Variants in DIP2C observed in about 807,000 individuals in gnomAD.
DIP2C encodes the protein disco-interacting protein 2 homolog C.
In DIP2C, 33 loss-of-function variants were observed where a neutral mutation model predicts 192.4. That is an observed-to-expected ratio of 0.17 (90% CI 0.13 to 0.23). The LOEUF is 0.23. Ranked by LOEUF, DIP2C falls within the 10% of genes least tolerant of loss-of-function variation. The pLI, the probability that DIP2C is intolerant of heterozygous loss-of-function variation, is 1.00. For synonymous variants in DIP2C, 979 were observed against 864.1 expected, an observed-to-expected ratio of 1.13 and a Z score of -2.33; for missense variants, 1,537 against 2,110.1, an observed-to-expected ratio of 0.73 and a Z score of 5.32.
intron 19 of DIP2C, chr10:364,812 C>T: frequency 1.6e-6 from 1 of 624,520 alleles, no homozygotes; most frequent in Non-Finnish European, 2.9e-6. Context: ...CACCTCCACT[C>T]ACCTGCTGGA....
In DIP2C at chr10:492,606, A is replaced by G. The variant is rs549168387; in HGVS notation, c.86-6076T>C. Among the ~76,000 whole-genome samples, 12 of 152,354 alleles carry G rather than the reference A, an allele frequency of 7.9e-5. No individual in the cohort carries two copies. The East Asian group carries it at 2.1e-3, about 27-fold the overall frequency. ...GGCGACAGAGCAAGACCCTGTCTCAAACAACACACACACGCACACAAATAT... is the reference window on the plus strand; with the variant it reads ...GGCGACAGAGCAAGACCCTGTCTCAGACAACACACACACGCACACAAATAT... On this transcript the variant is annotated intron_variant, in intron 1 of 36. Coordinates refer to ENST00000280886, the MANE Select transcript of DIP2C (RefSeq NM_014974.3).
chr10:480,076 T>C (rs1157794738), intron 2 of DIP2C, among the ~76,000 whole-genome samples: 1 of 144,970 alleles, frequency 6.9e-6, no homozygotes, highest in African/African-American at 2.6e-5. Flanking sequence ...ATGAGTGTCA[T>C]CCGCCAGCCT....
chr10:503,216 A>C (rs1372330139), intron 1 of DIP2C, among the ~76,000 whole-genome samples: 2 of 152,256 alleles, frequency 1.3e-5, no homozygotes, highest in African/African-American at 4.8e-5. Context: ...AAATCCCGCC[A>C]GGACACCGAC....
intron 1 of DIP2C, among the ~76,000 whole-genome samples, chr10:525,691 A>AG (rs1419460594): frequency 1.3e-5 from 2 of 152,138 alleles, no homozygotes; most frequent in Admixed American, 6.5e-5. Flanking sequence ...AATGCTTCGT[A>AG]GGTGGAGAAA....
At chr10:557,901 C>CG (rs1483142245) in intron 1 of DIP2C, among the ~76,000 whole-genome samples, 1 of 12,024 alleles carries the variant, frequency 8.3e-5, no homozygotes, top group Admixed American at 1.0e-3. Flanking sequence ...CAGGGGCAGG[C>CG]GGGGAAGGGG....
intron 4 of DIP2C, among the ~76,000 whole-genome samples, chr10:434,931 T>C (rs1967056051): frequency 6.6e-6 from 1 of 152,218 alleles, no homozygotes; most frequent in African/African-American, 2.4e-5. Flanking sequence ...GTTTGAAAAT[T>C]ATATGCCCAA....
At chr10:287,398 C>T (rs1346566488) in intron 33 of DIP2C, among the ~76,000 whole-genome samples, 1 of 152,156 alleles carries the variant, frequency 6.6e-6, no homozygotes, top group Admixed American at 6.5e-5. Flanking sequence ...AAAGGCAAAA[C>T]ATTTTATGGT....
intron 1 of DIP2C, among the ~76,000 whole-genome samples, chr10:572,356 CG>C (rs1325408686): frequency 1.3e-5 from 2 of 152,206 alleles, no homozygotes. Context: ...GCATCCTGAG[CG>C]CCACAAAAAT....
rs114160278 is a variant in DIP2C at position 659,806 on chromosome 10, C to T, written c.85+29688G>A. On this transcript the variant is annotated intron_variant, in intron 1 of 36. Transcript: ENST00000280886. ...CCCGGGATCTGACCACTTGTAAAAG[C>T]GTTTCTGTCTGAGTGATTTCCTTCT... 3.4e-3 allele frequency among the ~76,000 whole-genome samples: 515 copies of T among 152,296 alleles called. 4 individuals carry two copies. The highest frequency in any genetic ancestry group is 0.012 in the African/African-American group (491 of 41,572).
At chr10:488,851 G>A (rs2133571043) in intron 1 of DIP2C, among the ~76,000 whole-genome samples, 1 of 152,342 alleles carries the variant, frequency 6.6e-6, no homozygotes, top group Admixed American at 6.5e-5. Context: ...CCCCAACCCA[G>A]TTGTCTTACA....
chr10:552,140 G>C (rs1373257308), intron 1 of DIP2C, among the ~76,000 whole-genome samples: 1 of 152,242 alleles, frequency 6.6e-6, no homozygotes, highest in Non-Finnish European at 1.5e-5. Flanking sequence ...GACGGAGGCT[G>C]TCGATGGCAG....
At chr10:445,614 AACTGTTGC>A (rs1968116395) in intron 3 of DIP2C, among the ~76,000 whole-genome samples, 2 of 112,174 alleles carry the variant, frequency 1.8e-5, no homozygotes, top group African/African-American at 1.8e-4. Flanking sequence ...ATCTGTATAC[AACTGTTGC>A]GAAGAGTCTA....
At chr10:686,124 G>T (rs2119111494) in intron 1 of DIP2C, among the ~76,000 whole-genome samples, 1 of 152,302 alleles carries the variant, frequency 6.6e-6, no homozygotes, top group South Asian at 2.1e-4. Flanking sequence ...GGGCAAAAAT[G>T]TAGGGAAGAG....
chr10:432,228 C>T (rs887658701), intron 4 of DIP2C, among the ~76,000 whole-genome samples: 1 of 152,072 alleles, frequency 6.6e-6, no homozygotes, highest in African/African-American at 2.4e-5. Flanking sequence ...AAGAAGTATT[C>T]CTCAGCTTTT....
chr10:675,562 A>C (rs746782416), intron 1 of DIP2C, among the ~76,000 whole-genome samples: 24 of 152,300 alleles, frequency 1.6e-4, no homozygotes, highest in South Asian at 1.0e-3. Context: ...AATCCCAAAT[A>C]AGTAAAATTA....
intron 31 of DIP2C, among the ~76,000 whole-genome samples, 185 bp downstream of exon 31, chr10:326,821 T>C (rs138776740): frequency 2.0e-4 from 31 of 152,326 alleles, no homozygotes; most frequent in African/African-American, 5.1e-4. Context: ...TTATGAATAA[T>C]GGATACGAAC....
intron 17 of DIP2C, among the ~76,000 whole-genome samples, chr10:376,534 C>CA (rs1326812628): frequency 2.0e-5 from 3 of 148,324 alleles, no homozygotes; most frequent in Admixed American, 6.8e-5. Flanking sequence ...TCTGAACTGG[C>CA]AGCCAGAACC....
intron 3 of DIP2C, 130 bp downstream of exon 3, chr10:472,309 A>G (rs1334836387): frequency 1.4e-5 from 10 of 719,204 alleles, no homozygotes; most frequent in Non-Finnish European, 2.3e-5. Context: ...TCCGTGCAGA[A>G]AGCTGGAGGC....
chr10:317,873 T>C lies in DIP2C; in HGVS notation c.3925-7781A>G, dbSNP rs566817533. On this transcript the variant is annotated intron_variant, in intron 31 of 36. Transcript: ENST00000280886. Reference sequence around the variant, plus strand: ...GTAGAATTCGAATGTTCCTCTTCTTTTCTCTCTCTTCATCCCTCAATTGTA... The same window carrying C: ...GTAGAATTCGAATGTTCCTCTTCTTCTCTCTCTCTTCATCCCTCAATTGTA... 3.0e-4 allele frequency among the ~76,000 whole-genome samples: 46 copies of C among 152,374 alleles called. No homozygotes were observed. In the South Asian group the frequency reaches 8.9e-3, roughly 30 times the overall value.
Sources: allele counts gnomAD v4.1 joint callset (sites outside exome capture counted in the v4.1 genomes callset), GRCh38; gene constraint gnomAD v4.1.1; transcripts MANE v1.5; gene names NCBI Gene and HGNC (gene_info 2026-07-23, HGNC 2026-07-21).